The following EPB41L4A variants were observed in gnomAD, a reference collection of about 807,000 sequenced individuals.
The protein encoded by EPB41L4A is band 4.1-like protein 4A.
Under a neutral mutation model 108.6 loss-of-function variants are expected in EPB41L4A, and 100 were observed. That is an observed-to-expected ratio of 0.92 (90% CI 0.78 to 1.09). The LOEUF (loss-of-function observed/expected upper bound fraction) is 1.09. EPB41L4A is among the 50% of genes least tolerant of loss of function. EPB41L4A has a pLI of 0.00. For synonymous variants in EPB41L4A, 319 were observed against 289.0 expected (o/e 1.10, Z -1.05); for missense variants, 1,030 against 842.7 (o/e 1.22, Z -2.75).
intron 1 of EPB41L4A, among the ~76,000 whole-genome samples, chr5:112,394,257 G>C (rs1761171625): frequency 6.6e-6 from 1 of 152,042 alleles, no homozygotes; most frequent in African/African-American, 2.4e-5. Flanking sequence ...AGGCAGGAGA[G>C]AGAAATAAAA....
intron 22 of EPB41L4A, among the ~76,000 whole-genome samples, chr5:112,166,106 A>G (rs1025874229): frequency 2.6e-5 from 4 of 152,212 alleles, no homozygotes; most frequent in African/African-American, 9.7e-5. Context: ...TTTGTCTAGG[A>G]TTGAATCTGT....
chr5:112,192,656 A>T (rs1387697912), intron 17 of EPB41L4A, among the ~76,000 whole-genome samples: 1 of 152,262 alleles, frequency 6.6e-6, no homozygotes, highest in African/African-American at 2.4e-5. Flanking sequence ...AATACCTACA[A>T]GAAATATTAA....
At chr5:112,187,592 G>T (rs1561459746) in intron 17 of EPB41L4A, among the ~76,000 whole-genome samples, 1 of 152,132 alleles carries the variant, frequency 6.6e-6, no homozygotes, top group Non-Finnish European at 1.5e-5. Flanking sequence ...TAACAATGAA[G>T]AAAATGACTA....
At chr5:112,357,653 A>G (rs1017963540) in intron 1 of EPB41L4A, among the ~76,000 whole-genome samples, 2 of 152,208 alleles carry the variant, frequency 1.3e-5, no homozygotes, top group South Asian at 2.1e-4. Flanking sequence ...AACTGTAACT[A>G]GTACATTTGC....
chr5:112,243,681 T>C (rs901263378), intron 9 of EPB41L4A, among the ~76,000 whole-genome samples: 19 of 152,324 alleles, frequency 1.2e-4, no homozygotes, highest in African/African-American at 4.3e-4. Flanking sequence ...TACTTGCTGC[T>C]TCACCTTGTA....
intron 1 of EPB41L4A, among the ~76,000 whole-genome samples, chr5:112,401,273 C>A (rs1761732271): frequency 6.6e-6 from 1 of 152,188 alleles, no homozygotes; most frequent in Non-Finnish European, 1.5e-5. Flanking sequence ...ATCCAGCAGA[C>A]CTTCAGAGCT....
intron 12 of EPB41L4A, among the ~76,000 whole-genome samples, chr5:112,214,167 G>C (rs1747440027): frequency 6.6e-6 from 1 of 152,162 alleles, no homozygotes; most frequent in Non-Finnish European, 1.5e-5. Flanking sequence ...TCGGGCTACA[G>C]AGAAAAGTGA....
intron 2 of EPB41L4A, among the ~76,000 whole-genome samples, chr5:112,299,703 T>C (rs1042809508): frequency 2.6e-5 from 4 of 152,182 alleles, no homozygotes; most frequent in African/African-American, 9.7e-5. Flanking sequence ...TTAAATCCAT[T>C]GTTTCTTTGC....
intron 2 of EPB41L4A, among the ~76,000 whole-genome samples, chr5:112,302,883 G>A (rs995101127): frequency 5.9e-5 from 9 of 152,138 alleles, no homozygotes; most frequent in African/African-American, 1.7e-4. Context: ...CTTCCAGGCC[G>A]TGGACTCTTG....
chr5:112,192,155 G>T (rs1418420833), intron 17 of EPB41L4A: 1 of 152,322 alleles, frequency 6.6e-6, no homozygotes, highest in African/African-American at 2.4e-5. Context: ...TGGGATGAGT[G>T]GGTTCCGGCA....
intron 15 of EPB41L4A, among the ~76,000 whole-genome samples, 176 bp from the exon 16 acceptor site, chr5:112,195,884 T>C (rs991740834): frequency 2.0e-5 from 3 of 152,304 alleles, no homozygotes; most frequent in Admixed American, 1.3e-4. Context: ...CCCAGAAATA[T>C]AATGTTAATA....
chr5:112,317,706 T>A (rs973771714), intron 1 of EPB41L4A, among the ~76,000 whole-genome samples: 1 of 152,242 alleles, frequency 6.6e-6, no homozygotes, highest in East Asian at 1.9e-4. Context: ...AAGCTAGATA[T>A]CATAGTTGCA....
intron 2 of EPB41L4A, among the ~76,000 whole-genome samples, chr5:112,299,126 CTTTT>C: frequency 6.6e-6 from 1 of 152,056 alleles, no homozygotes; most frequent in South Asian, 2.1e-4. Flanking sequence ...TTTTGCATTT[CTTTT>C]TGTTTCAATT....
intron 1 of EPB41L4A, among the ~76,000 whole-genome samples, chr5:112,324,788 C>A: frequency 6.8e-6 from 1 of 146,930 alleles, no homozygotes; most frequent in African/African-American, 2.5e-5. Context: ...GGGGAGGGGA[C>A]AGAGAATTGA....
intron 1 of EPB41L4A, among the ~76,000 whole-genome samples, chr5:112,410,566 C>T (rs752397343): frequency 6.6e-6 from 1 of 152,126 alleles, no homozygotes; most frequent in African/African-American, 2.4e-5. Context: ...GATCCTGACC[C>T]AAGAGGTAGA....
intron 12 of EPB41L4A, among the ~76,000 whole-genome samples, chr5:112,151,228 T>C (rs1759452918): frequency 6.6e-6 from 1 of 151,892 alleles, no homozygotes; most frequent in Admixed American, 6.6e-5. Flanking sequence ...TTAATGACTA[T>C]AAATCGATAA....
exon 14 of EPB41L4A, chr5:112,143,861 G>T: frequency 2.2e-6 from 1 of 456,038 alleles, no homozygotes; most frequent in Non-Finnish European, 4.4e-6. Flanking sequence ...TGTATAAACA[G>T]GGAGAAAGCA....
At position 112,402,614 on chromosome 5, in the gene EPB41L4A, C is replaced by T. The variant is rs369546792; in HGVS notation, c.99+16327G>A. 2.0e-5 allele frequency among the ~76,000 whole-genome samples: 3 copies of T among 152,096 alleles called. No individual in the cohort carries two copies. In the East Asian group the frequency reaches 5.8e-4, roughly 29 times the overall value. ...CGTGGGGAAAAGTACGTGGAAGACTCGGCACTACAGACATTTATCACATAA... is the reference window on the plus strand; with the variant it reads ...CGTGGGGAAAAGTACGTGGAAGACTTGGCACTACAGACATTTATCACATAA... On this transcript the variant is annotated intron_variant, in intron 1 of 22. Coordinates refer to ENST00000261486, the MANE Select transcript of EPB41L4A (RefSeq NM_022140.5).
At position 112,170,383 on chromosome 5, in the gene EPB41L4A, T is replaced by C. The variant is rs745896281; in HGVS notation, c.1671-14A>G. On this transcript the variant is annotated splice_polypyrimidine_tract_variant and intron_variant, in intron 19 of 22. Coordinates refer to ENST00000261486, the MANE Select transcript of EPB41L4A (RefSeq NM_022140.5). ...ACAAGTTCTTTTCTGTAAAGGAATATGCAAGAAAATGATAGTTGTGGTGCT... is the reference window on the plus strand; with the variant it reads ...ACAAGTTCTTTTCTGTAAAGGAATACGCAAGAAAATGATAGTTGTGGTGCT... 93 of 1,513,276 alleles carry C rather than the reference T, an allele frequency of 6.1e-5. No individual in the cohort carries two copies. The highest frequency in any genetic ancestry group is 2.3e-4 in the South Asian group (20 of 88,406). 93.7% of individuals were successfully genotyped at this position (1,513,276 alleles called of 1,614,324 possible).
Sources: allele counts gnomAD v4.1 joint callset (sites outside exome capture counted in the v4.1 genomes callset), GRCh38; gene constraint gnomAD v4.1.1; transcripts MANE v1.5; gene names NCBI Gene and HGNC (gene_info 2026-07-23, HGNC 2026-07-21).